Variants in SPATA13 observed in about 807,000 individuals in gnomAD.
SPATA13 encodes the protein spermatogenesis associated 13.
A neutral mutation model predicts 104.0 loss-of-function variants in SPATA13; 50 were observed. The ratio of observed to expected loss-of-function variants is 0.48; its 90% CI spans 0.38 to 0.61. The LOEUF (loss-of-function observed/expected upper bound fraction) is 0.61, where lower values mean the gene tolerates loss of function less well. Among genes scored for constraint, SPATA13 ranks in the 20% least tolerant of loss-of-function variants. The pLI, the probability that SPATA13 is intolerant of heterozygous loss-of-function variation, is 0.00. For missense variants in SPATA13, 1,524 were observed against 1,690.6 expected (o/e 0.90, Z 1.73); for synonymous variants, 606 against 667.5 (o/e 0.91, Z 1.42).
intron 3 of SPATA13, among the ~76,000 whole-genome samples, chr13:24,141,173 C>CAA (rs3075288): frequency 0.52 from 71,785 of 138,668 alleles, 19,212 homozygotes; most frequent in East Asian, 0.82. Context: ...GACTCTGGCT[C>CAA]AAAAAAAAAA....
At chr13:24,184,516 G>A (rs559595217) in intron 1 of SPATA13, among the ~76,000 whole-genome samples, 228 of 152,302 alleles carry the variant, frequency 1.5e-3, no homozygotes, top group African/African-American at 5.1e-3. Context: ...CACTTTTTTG[G>A]TGGTAGTGTT....
chr13:24,277,211 G>A (rs868478558), intron 4 of SPATA13, among the ~76,000 whole-genome samples: 14 of 152,026 alleles, frequency 9.2e-5, no homozygotes, highest in East Asian at 1.9e-4. Flanking sequence ...TTGGGAGGCC[G>A]AGGCGGGCGG....
intron 1 of SPATA13, among the ~76,000 whole-genome samples, chr13:23,980,078 G>A (rs1447597090): frequency 6.6e-6 from 1 of 152,158 alleles, no homozygotes; most frequent in Non-Finnish European, 1.5e-5. Context: ...GTAGGAGAAG[G>A]GATAGAGCTA....
chr13:24,106,805 C>T (rs929411263), intron 3 of SPATA13, among the ~76,000 whole-genome samples: 6 of 152,104 alleles, frequency 3.9e-5, no homozygotes, highest in African/African-American at 1.2e-4. Context: ...AATAGGTAGT[C>T]CTGTAGAGAA....
At position 24,289,065 on chromosome 13, in the gene SPATA13, G is replaced by C. The variant is rs1417316034; in HGVS notation, c.2734G>C (p.Gly912Arg). 7.4e-6 allele frequency: 12 copies of C among 1,613,714 alleles called. No homozygotes were observed. The highest frequency in any genetic ancestry group is 1.0e-5 in the Non-Finnish European group (12 of 1,179,970). The change falls in exon 8 of 13, where the codon GGA becomes CGA. Residue 912 changes from glycine to arginine, a missense_variant. This residue lies in a region of SPATA13 where 435 missense variants were observed against 554.8 expected (regional missense o/e 0.78). Transcript: ENST00000382108. ...FTVAQLATIF[G>R]NIEDIYKFQR... ...CGTTGCGCAGCTAGCCACTATTTTT[G>C]GAAACATTGAAGATATTTACAAATT...
At chr13:24,217,994 A>G (rs1330514770) in intron 1 of SPATA13, among the ~76,000 whole-genome samples, 1 of 152,234 alleles carries the variant, frequency 6.6e-6, no homozygotes, top group Non-Finnish European at 1.5e-5. Flanking sequence ...CTGGAGAAAG[A>G]GCCTGAGAGC....
chr13:24,045,345 A>G (rs963643100), intron 3 of SPATA13, among the ~76,000 whole-genome samples: 1 of 152,154 alleles, frequency 6.6e-6, no homozygotes, highest in African/African-American at 2.4e-5. Context: ...AAAGGTCTGC[A>G]TTTTAGCCTT....
chr13:24,139,805 C>G (rs1035476962), intron 3 of SPATA13, among the ~76,000 whole-genome samples: 2 of 152,090 alleles, frequency 1.3e-5, no homozygotes, highest in African/African-American at 4.8e-5. Context: ...CGGTGGCTCA[C>G]GTCTGTAATC....
intron 3 of SPATA13, among the ~76,000 whole-genome samples, chr13:24,068,821 A>G (rs1263353509): frequency 6.6e-6 from 1 of 152,096 alleles, no homozygotes; most frequent in Non-Finnish European, 1.5e-5. Flanking sequence ...TCTTCTTTTG[A>G]ACAGTGTCTG....
intron 3 of SPATA13, among the ~76,000 whole-genome samples, chr13:24,120,535 A>C (rs908770501): frequency 3.3e-5 from 5 of 152,180 alleles, no homozygotes; most frequent in Non-Finnish European, 2.9e-5. Flanking sequence ...AACTCTGGCT[A>C]CACCACTCAC....
intron 2 of SPATA13, among the ~76,000 whole-genome samples, chr13:24,246,879 CAAG>C (rs927154431): frequency 1.3e-5 from 2 of 151,852 alleles, no homozygotes; most frequent in Non-Finnish European, 2.9e-5. Flanking sequence ...AAAAGTGACT[CAAG>C]GAGGTGGTTA....
chr13:24,152,872 T>A (rs7140061), intron 3 of SPATA13, among the ~76,000 whole-genome samples: 3 of 152,124 alleles, frequency 2.0e-5, no homozygotes, highest in Admixed American at 6.5e-5. Flanking sequence ...CTCCCTCAAA[T>A]GTTCAGAACT....
At chr13:23,992,192 G>A (rs1027279835) in intron 2 of SPATA13, among the ~76,000 whole-genome samples, 2 of 152,154 alleles carry the variant, frequency 1.3e-5, no homozygotes, top group South Asian at 4.2e-4. Flanking sequence ...CCAACCATGT[G>A]CTGTCAACCC....
At chr13:24,195,822 C>G (rs117142783) in intron 1 of SPATA13, among the ~76,000 whole-genome samples, 2,340 of 152,194 alleles carry the variant, frequency 0.015, 35 homozygotes, top group Non-Finnish European at 0.024. Flanking sequence ...ATATTAACAC[C>G]TGTTAACAAG....
At chr13:24,122,643 T>C in intron 3 of SPATA13, 1 of 1,210,538 alleles carries the variant, frequency 8.3e-7, no homozygotes, top group African/African-American at 1.5e-5. Flanking sequence ...GCACATACTG[T>C]ATATCACTTC....
intron 3 of SPATA13, among the ~76,000 whole-genome samples, chr13:24,070,118 G>T (rs969846875): frequency 6.6e-6 from 1 of 152,214 alleles, no homozygotes; most frequent in African/African-American, 2.4e-5. Flanking sequence ...CTGCTTGCTT[G>T]GAGTACAGAG....
chr13:24,018,283 A>G (rs1376791453), intron 3 of SPATA13, among the ~76,000 whole-genome samples: 2 of 152,204 alleles, frequency 1.3e-5, no homozygotes, highest in Non-Finnish European at 2.9e-5. Flanking sequence ...AAACCACTTC[A>G]TAGTTGTAAG....
At chr13:24,246,595 C>T (rs766319505) in intron 2 of SPATA13, among the ~76,000 whole-genome samples, 21 of 152,132 alleles carry the variant, frequency 1.4e-4, no homozygotes, top group African/African-American at 4.6e-4. Context: ...TGTGGTGGCT[C>T]ACGCCTGTAA....
chr13:24,258,956 C>T (rs907560365), intron 4 of SPATA13, among the ~76,000 whole-genome samples: 7 of 152,012 alleles, frequency 4.6e-5, no homozygotes, highest in Non-Finnish European at 1.0e-4. Context: ...AGAGCATATC[C>T]TAGCTAGCCA....
Sources: gnomAD v4.1 joint callset for allele counts (sites outside exome capture counted in the v4.1 genomes callset) on GRCh38, gnomAD v4.1.1 for gene constraint, gnomAD v4.1.1 regional missense constraint, MANE v1.5 for transcripts, NCBI Gene and HGNC (gene_info 2026-07-23, HGNC 2026-07-21) for gene names.